The following DNMT3B variants were observed in gnomAD, a reference collection of about 807,000 sequenced individuals.
The protein encoded by DNMT3B is DNA (cytosine-5)-methyltransferase 3B.
DNMT3B carries 37 observed loss-of-function variants against 120.2 expected under a neutral mutation model. That is an observed-to-expected ratio of 0.31 (90% CI 0.24 to 0.40). DNMT3B has a LOEUF of 0.40. Among genes scored for constraint, DNMT3B ranks in the 10% least tolerant of loss-of-function variants. The pLI, the probability that DNMT3B is intolerant of heterozygous loss-of-function variation, is 1.00. For missense variants in DNMT3B, 878 were observed against 1,137.3 expected (o/e 0.77, Z 3.28); for synonymous variants, 412 against 442.8 (o/e 0.93, Z 0.87).
intron 1 of DNMT3B, among the ~76,000 whole-genome samples, chr20:32,772,793 G>A (rs1987818284): frequency 6.6e-6 from 1 of 150,712 alleles, no homozygotes; most frequent in South Asian, 2.1e-4. Flanking sequence ...ATTCCAGTGC[G>A]TTGACAAACA....
At chr20:32,770,888 A>G (rs1248395699) in intron 1 of DNMT3B, among the ~76,000 whole-genome samples, 1 of 152,144 alleles carries the variant, frequency 6.6e-6, no homozygotes, top group Non-Finnish European at 1.5e-5. Flanking sequence ...CTGGGATTAC[A>G]GGCATGAGCC....
Position 32,762,630 on chromosome 20 carries a change from C to T in DNMT3B, c.-76C>T. On this transcript the variant is annotated 5_prime_UTR_variant, in exon 1 of 23. Coordinates refer to ENST00000328111, the MANE Select transcript of DNMT3B (RefSeq NM_006892.4). The stretch of plus-strand genomic sequence containing the variant: ...CCCAGCGCCCTGCACGGCCGCCAGC[C>T]GGCCTCCCGCCAGCCAGCCCCGACC... 1 of 278,444 alleles carries T rather than the reference C, an allele frequency of 3.6e-6. No homozygotes were observed. Among genetic ancestry groups the T allele is most frequent in the Non-Finnish European group, 7.5e-6 (1 of 133,690 alleles). 17.2% of individuals were successfully genotyped at this position (278,444 alleles called of 1,614,324 possible). A position where few individuals can be genotyped will look rare whatever the true frequency, so the allele number is the denominator to read the frequency against.
At chr20:32,795,262 A>G in intron 10 of DNMT3B, 147 bp from the exon 11 acceptor site, 1 of 1,263,454 alleles carries the variant, frequency 7.9e-7, no homozygotes, top group Non-Finnish European at 1.1e-6. Context: ...TGAGTTGCCC[A>G]TCAAGGGGCC....
At position 32,799,317 on chromosome 20, in the gene DNMT3B, G is replaced by A; in HGVS notation, c.1748G>A (p.Gly583Asp). Residue 583 changes from glycine (G) to aspartate (D), a missense_variant, in exon 16 of 23, where the codon GGC becomes GAC. By Grantham distance (94) the Gly-to-Asp change is moderately conservative. Transcript: ENST00000328111. ...ATTCGAGTCCTGTCATTGTTTGATG[G>A]CATCGCGACAGGTGAGTTCGGGGAA... ...RPIRVLSLFD[G>D]IATGYLVLKE... 1 of 1,612,824 alleles carries A rather than the reference G, an allele frequency of 6.2e-7. No individual in the cohort carries two copies. The highest frequency in any genetic ancestry group is 8.5e-7 in the Non-Finnish European group (1 of 1,179,564).
At chr20:32,763,028 G>A (rs1232791119) in intron 1 of DNMT3B, among the ~76,000 whole-genome samples, 2 of 152,128 alleles carry the variant, frequency 1.3e-5, no homozygotes, top group African/African-American at 4.8e-5. Context: ...GGGACGCGCT[G>A]GCTTCCCGGG....
At chr20:32,790,152 A>G (rs140410185) in intron 7 of DNMT3B, among the ~76,000 whole-genome samples, 7 of 152,336 alleles carry the variant, frequency 4.6e-5, no homozygotes, top group African/African-American at 1.4e-4. Flanking sequence ...CCCAAGGGCT[A>G]CAATAATATA....
chr20:32,778,318 G>T (rs1032931292), intron 1 of DNMT3B, among the ~76,000 whole-genome samples: 1 of 151,692 alleles, frequency 6.6e-6, no homozygotes, highest in Non-Finnish European at 1.5e-5. Context: ...CCTGGCGGAG[G>T]TCGCACCACT....
chr20:32,779,527 G>T (rs1978336247), intron 1 of DNMT3B, among the ~76,000 whole-genome samples: 1 of 152,254 alleles, frequency 6.6e-6, no homozygotes, highest in South Asian at 2.1e-4. Context: ...CCCTGGCCCT[G>T]TGTGTTAGCT....
chr20:32,773,874 C>CAAGCCTTG (rs1987894875), intron 1 of DNMT3B, among the ~76,000 whole-genome samples: 1 of 134,020 alleles, frequency 7.5e-6, no homozygotes, highest in Non-Finnish European at 1.5e-5. Context: ...AGCCCAAGCT[C>CAAGCCTTG]AAGCCTTGGC....
intron 20 of DNMT3B, among the ~76,000 whole-genome samples, chr20:32,803,506 C>T (rs1446533213): frequency 1.3e-5 from 2 of 152,180 alleles, no homozygotes; most frequent in Non-Finnish European, 2.9e-5. Context: ...ATGCTTTCAA[C>T]ATTTGAACTC....
At chr20:32,769,322 C>T (rs549427810) in intron 1 of DNMT3B, among the ~76,000 whole-genome samples, 8 of 152,156 alleles carry the variant, frequency 5.3e-5, no homozygotes, top group South Asian at 2.1e-4. Context: ...CTCCTGACCT[C>T]GTGATCTGCC....
intron 7 of DNMT3B, among the ~76,000 whole-genome samples, chr20:32,789,341 G>A (rs969466911): frequency 1.6e-4 from 25 of 152,244 alleles, no homozygotes; most frequent in Non-Finnish European, 3.1e-4. Context: ...GTTCAGTGGA[G>A]AAGCCTGGAA....
chr20:32,763,267 T>C (rs1041412234), intron 1 of DNMT3B, among the ~76,000 whole-genome samples: 30 of 152,166 alleles, frequency 2.0e-4, no homozygotes, highest in African/African-American at 6.0e-4. Context: ...AAAGAGCTCG[T>C]GAGTGTGGGC....
intron 5 of DNMT3B, 53 bp downstream of exon 5, chr20:32,786,680 T>C: frequency 6.2e-7 from 1 of 1,611,656 alleles, no homozygotes; most frequent in Non-Finnish European, 8.5e-7. Flanking sequence ...CTGGGAGATA[T>C]GCCTCACTCA....
chr20:32,805,425 C>T lies in DNMT3B; in HGVS notation c.2301+18C>T, dbSNP rs1601139425. The T allele has an allele frequency of 6.2e-7, 1 of 1,613,756 alleles. No homozygotes were observed. Among genetic ancestry groups the T allele is most frequent in the Non-Finnish European group, 8.5e-7 (1 of 1,179,932 alleles). ...TAGCCAAGGTAAGACGAGCTGTGGCCCTCTGGAAAAATGCACTTGGTGACC... is the reference window on the plus strand; with the variant it reads ...TAGCCAAGGTAAGACGAGCTGTGGCTCTCTGGAAAAATGCACTTGGTGACC... On this transcript the variant is annotated intron_variant, in intron 21 of 22. Coordinates refer to ENST00000328111, the MANE Select transcript of DNMT3B (RefSeq NM_006892.4).
At chr20:32,768,444 G>A (rs990824734) in intron 1 of DNMT3B, among the ~76,000 whole-genome samples, 1 of 152,044 alleles carries the variant, frequency 6.6e-6, no homozygotes, top group South Asian at 2.1e-4. Flanking sequence ...CACCCGCCTC[G>A]GCCTACCAAA....
chr20:32,802,261 T>C, intron 19 of DNMT3B, 124 bp from the exon 20 acceptor site: 2 of 1,027,104 alleles, frequency 1.9e-6, no homozygotes, highest in Non-Finnish European at 3.1e-6. Flanking sequence ...CAGTAGGTCT[T>C]TCCTGTTTTG....
intron 10 of DNMT3B, among the ~76,000 whole-genome samples, chr20:32,795,038 TTCC>T (rs1980439870): frequency 6.6e-6 from 1 of 152,202 alleles, no homozygotes; most frequent in Non-Finnish European, 1.5e-5. Context: ...CAGAATTCAT[TTCC>T]TCAACAGTTT....
chr20:32,767,535 G>C (rs1987459231), intron 1 of DNMT3B, among the ~76,000 whole-genome samples: 1 of 151,790 alleles, frequency 6.6e-6, no homozygotes, highest in Admixed American at 6.6e-5. Context: ...GCTCATTCCA[G>C]TATCCTCCCA....
Sources: allele counts gnomAD v4.1 joint callset (sites outside exome capture counted in the v4.1 genomes callset), GRCh38; gene constraint gnomAD v4.1.1; transcripts MANE v1.5; gene names NCBI Gene and HGNC (gene_info 2026-07-23, HGNC 2026-07-21).